LRIG1: variants seen among roughly 807,000 people sequenced by gnomAD.
LRIG1 encodes the protein leucine rich repeats and immunoglobulin like domains 1.
LRIG1 carries 48 observed loss-of-function variants against 99.2 expected under a neutral mutation model. That is an observed-to-expected ratio of 0.48 (90% CI 0.38 to 0.62). LRIG1 has a LOEUF of 0.62. LRIG1 is among the 20% of genes least tolerant of loss of function. LRIG1 has a pLI of 0.00. For missense variants in LRIG1, 1,646 were observed against 1,434.4 expected, an observed-to-expected ratio of 1.15 and a Z score of -2.38; for synonymous variants, 772 against 596.1, an observed-to-expected ratio of 1.29 and a Z score of -4.30.
At chr3:66,462,369 C>T (rs1196219838) in intron 2 of LRIG1, 69 bp downstream of exon 2, 6 of 1,126,626 alleles carry the variant, frequency 5.3e-6, no homozygotes, top group Non-Finnish European at 6.7e-6. Context: ...AGCGATGCTG[C>T]AATACAAGAG....
At chr3:66,430,280 T>C (rs564086630) in intron 3 of LRIG1, among the ~76,000 whole-genome samples, 5 of 152,294 alleles carry the variant, frequency 3.3e-5, no homozygotes, top group African/African-American at 1.2e-4. Context: ...TTAACTTTTT[T>C]AAAAAAGGTA....
At chr3:66,418,059 T>A (rs1396187574) in intron 3 of LRIG1, among the ~76,000 whole-genome samples, 1 of 152,096 alleles carries the variant, frequency 6.6e-6, no homozygotes, top group South Asian at 2.1e-4. Context: ...AAGACAGGAA[T>A]GTTCCACTGT....
chr3:66,469,415 A>ACAG (rs748153344), intron 1 of LRIG1, among the ~76,000 whole-genome samples: 6 of 152,206 alleles, frequency 3.9e-5, no homozygotes, highest in Non-Finnish European at 8.8e-5. Flanking sequence ...CTATATACAT[A>ACAG]CAGCTATATA....
In LRIG1 at chr3:66,463,650, C is replaced by T. The variant is rs143865916; in HGVS notation, c.219-1141G>A. 7.9e-3 allele frequency among the ~76,000 whole-genome samples: 1,200 copies of T among 152,314 alleles called. 30 individuals are homozygous for T. Among genetic ancestry groups the T allele is most frequent in the African/African-American group, 0.028 (1,158 of 41,560 alleles). On this transcript the variant is annotated intron_variant, in intron 1 of 18. Transcript: ENST00000273261. ...CTTGCCTCCAAAGTCTACCCAGCCC[C>T]GTGTTTGCCAAAGAGGTTAACATTT...
chr3:66,441,375 G>A (rs1254412007), intron 3 of LRIG1, among the ~76,000 whole-genome samples: 1 of 152,182 alleles, frequency 6.6e-6, no homozygotes, highest in Non-Finnish European at 1.5e-5. Context: ...AATCGAACAC[G>A]TTTGGGCTCT....
chr3:66,418,822 G>A (rs1289544696), intron 3 of LRIG1, among the ~76,000 whole-genome samples: 2 of 151,930 alleles, frequency 1.3e-5, no homozygotes, highest in East Asian at 3.9e-4. Flanking sequence ...TTTTTTTCAT[G>A]CGTCTCCCAG....
intron 8 of LRIG1, chr3:66,406,016 C>A: frequency 1.0e-6 from 1 of 989,022 alleles, no homozygotes; most frequent in East Asian, 1.1e-4. Flanking sequence ...CCTGCCCTCT[C>A]CAACTTTCCA....
chr3:66,399,142 G>T, intron 9 of LRIG1, 101 bp from the exon 10 acceptor site: 1 of 953,498 alleles, frequency 1.0e-6, no homozygotes. Context: ...AATTAAGGTA[G>T]TGCTACCTGA....
intron 5 of LRIG1, 70 bp from the exon 6 acceptor site, chr3:66,413,084 G>A: frequency 1.3e-5 from 20 of 1,571,398 alleles, no homozygotes; most frequent in Non-Finnish European, 1.7e-5. Flanking sequence ...TTCTGAAGCA[G>A]TCCTGGCTAA....
At chr3:66,482,385 A>G (rs1336018762) in intron 1 of LRIG1, among the ~76,000 whole-genome samples, 3 of 152,246 alleles carry the variant, frequency 2.0e-5, no homozygotes, top group African/African-American at 7.2e-5. Flanking sequence ...AGCATCAACA[A>G]AGGAAGGAAA....
intron 3 of LRIG1, among the ~76,000 whole-genome samples, chr3:66,448,526 G>A (rs979316200): frequency 2.0e-5 from 3 of 149,232 alleles, no homozygotes; most frequent in Admixed American, 6.7e-5. Context: ...GTCACAAAGA[G>A]AATACACAAG....
chr3:66,486,355 G>A (rs35274212), intron 1 of LRIG1, among the ~76,000 whole-genome samples: 5,299 of 152,180 alleles, frequency 0.035, 139 homozygotes, highest in Non-Finnish European at 0.051. Context: ...CCAGGCCCCA[G>A]AGCTGCCTCT....
Position 66,383,135 on chromosome 3 carries a change from C to G in LRIG1, c.2338G>C (p.Val780Leu), listed in dbSNP as rs529341271. 1 of 1,614,246 alleles carries G rather than the reference C, an allele frequency of 6.2e-7. No homozygotes were observed. ...GTERAHSQLSVLPAAGCRKDG... is the reference protein window; with the variant it reads ...GTERAHSQLSLLPAAGCRKDG... ...TTCCTGCAGCCTGCTGCGGGCAGGA[C>G]GCTCAGCTGGCTGTGAGCTCGCTCC... Residue 780 changes from valine (V) to leucine (L), a missense_variant, in exon 15 of 19, where the codon GTC becomes CTC. Coordinates refer to ENST00000273261, the MANE Select transcript of LRIG1 (RefSeq NM_015541.3).
At position 66,390,769 on chromosome 3, in the gene LRIG1, T is replaced by C. The variant is rs144218199; in HGVS notation, c.1468+3271A>G. Among the ~76,000 whole-genome samples, 498 of 152,306 alleles carry C rather than the reference T, an allele frequency of 3.3e-3. 2 individuals are homozygous for C. The highest frequency in any genetic ancestry group is 0.022 in the East Asian group (112 of 5,182). On this transcript the variant is annotated intron_variant, in intron 12 of 18. Transcript: ENST00000273261. Reference sequence around the variant, plus strand: ...CCTTATCTCAGGCAAATAGTTTCTTTGATATGACATCAAAAGCATACGTAA... The same window carrying C: ...CCTTATCTCAGGCAAATAGTTTCTTCGATATGACATCAAAAGCATACGTAA...
chr3:66,420,782 G>A (rs188273243), intron 3 of LRIG1, among the ~76,000 whole-genome samples: 155 of 152,292 alleles, frequency 1.0e-3, no homozygotes, highest in African/African-American at 3.4e-3. Context: ...CCAGGGACCG[G>A]GGAGACCGCA....
chr3:66,445,550 G>A (rs574191724), intron 3 of LRIG1, among the ~76,000 whole-genome samples: 4 of 152,176 alleles, frequency 2.6e-5, no homozygotes, highest in African/African-American at 9.6e-5. Flanking sequence ...ACACACCTAT[G>A]GTGCCCACAG....
chr3:66,460,614 A>G (rs2106833796), intron 2 of LRIG1, among the ~76,000 whole-genome samples: 1 of 152,362 alleles, frequency 6.6e-6, no homozygotes, highest in African/African-American at 2.4e-5. Flanking sequence ...AGGCCTCGGA[A>G]GAAACCAAAC....
chr3:66,428,986 TA>T (rs1196604646), intron 3 of LRIG1, among the ~76,000 whole-genome samples: 1 of 152,142 alleles, frequency 6.6e-6, no homozygotes, highest in African/African-American at 2.4e-5. Flanking sequence ...GGAGACTGGA[TA>T]AAAAACAAGA....
At chr3:66,463,332 C>A (rs1334105625) in intron 1 of LRIG1, among the ~76,000 whole-genome samples, 1 of 152,182 alleles carries the variant, frequency 6.6e-6, no homozygotes, top group African/African-American at 2.4e-5. Flanking sequence ...GACAGTCACA[C>A]AGGAGAAAAG....
Sources: allele counts gnomAD v4.1 joint callset (sites outside exome capture counted in the v4.1 genomes callset), GRCh38; gene constraint gnomAD v4.1.1; transcripts MANE v1.5; gene names NCBI Gene and HGNC (gene_info 2026-07-23, HGNC 2026-07-21).